GART: variants seen among roughly 807,000 people sequenced by gnomAD.
GART encodes trifunctional purine biosynthetic protein adenosine-3.
In GART, 43 loss-of-function variants were observed where a neutral mutation model predicts 107.2. That is an observed-to-expected ratio of 0.40 (90% confidence interval 0.31 to 0.52). GART has a LOEUF of 0.52. GART is among the 20% of genes least tolerant of loss of function. The pLI is 0.52. For synonymous variants in GART, 434 were observed against 427.0 expected (o/e 1.02, Z -0.20); for missense variants, 1,107 against 1,206.5 (o/e 0.92, Z 1.22).
Position 33,528,252 on chromosome 21 carries a change from A to C in GART, c.981T>G (p.Val327=), listed in dbSNP as rs1473917380. The C allele has an allele frequency of 1.9e-6, 3 of 1,614,030 alleles. No individual in the cohort carries two copies. In the South Asian group the frequency reaches 3.3e-5, roughly 18 times the overall value. The change falls in exon 10 of 22, where the codon GTT becomes GTG. Residue 327 remains valine, a synonymous_variant. Coordinates refer to ENST00000381815, the MANE Select transcript of GART (RefSeq NM_000819.5). ...TTAGGGCGGTGTGGTTTTCTAGCCAAACAGGCAGAGATGTGCAGAGCAGTC... is the reference window on the plus strand; with the variant it reads ...TTAGGGCGGTGTGGTTTTCTAGCCACACAGGCAGAGATGTGCAGAGCAGTC... ...LDGLLCTSLP[V]WLENHTALTV...
intron 14 of GART, 46 bp downstream of exon 14, chr21:33,520,318 A>G: frequency 1.9e-6 from 3 of 1,571,592 alleles, no homozygotes; most frequent in African/African-American, 1.4e-5. Context: ...GGGCTAAAAC[A>G]CAAAAAGAAG....
chr21:33,533,603 G>A (rs1290141210), intron 4 of GART, among the ~76,000 whole-genome samples: 9 of 151,574 alleles, frequency 5.9e-5, no homozygotes, highest in Middle Eastern at 3.4e-3. Context: ...ATGCCACTGC[G>A]TTTGTCAATC....
chr21:33,530,814 T>C lies in GART; in HGVS notation c.668A>G (p.Glu223Gly). 1.3e-6 allele frequency: 2 copies of C among 1,537,638 alleles called. No individual in the cohort carries two copies. Among genetic ancestry groups the C allele is most frequent in the Admixed American group, 2.2e-5 (1 of 45,484 alleles). The change falls in exon 7 of 22, where the codon GAG becomes GGG. Residue 223 changes from glutamate to glycine, a missense_variant. Glu to Gly is a moderately conservative substitution (Grantham distance 98). Transcript: ENST00000381815. ...CCCTGTGTTAGGGCCACCATCTCCCTCCAGTAATCGCTTATGGTCCTGTGC... is the reference window on the plus strand; with the variant it reads ...CCCTGTGTTAGGGCCACCATCTCCCCCCAGTAATCGCTTATGGTCCTGTGC... Reference protein sequence around the residue: ...PPAQDHKRLLEGDGGPNTGGM... With the variant: ...PPAQDHKRLLGGDGGPNTGGM...
chr21:33,535,118 C>A, intron 3 of GART, 107 bp downstream of exon 3: 1 of 748,126 alleles, frequency 1.3e-6, no homozygotes, highest in Non-Finnish European at 2.0e-6. Flanking sequence ...GCTCTTTTTC[C>A]AAGATAATAT....
intron 5 of GART, 197 bp downstream of exon 5, chr21:33,532,147 AC>A (rs889983623): frequency 1.9e-6 from 1 of 538,306 alleles, no homozygotes; most frequent in Non-Finnish European, 3.3e-6. Flanking sequence ...TCAAAATAAT[AC>A]AATCATGGTT....
intron 16 of GART, among the ~76,000 whole-genome samples, chr21:33,514,018 C>A (rs565467477): frequency 6.6e-6 from 1 of 152,060 alleles, no homozygotes; most frequent in East Asian, 1.9e-4. Context: ...GTAATCCCAG[C>A]GCTTTGGGAG....
At chr21:33,538,823 C>T (rs2085352483) in intron 2 of GART, among the ~76,000 whole-genome samples, 1 of 152,146 alleles carries the variant, frequency 6.6e-6, no homozygotes, top group South Asian at 2.1e-4. Flanking sequence ...TTCTGTCGCC[C>T]AGGCTGGAGT....
chr21:33,509,801 C>A lies in GART; in HGVS notation c.2434G>T (p.Val812Phe), dbSNP rs1238401496. The change falls in exon 18 of 22, where the codon GTC (valine) becomes TTC (phenylalanine). Residue 812 changes from valine (V) to phenylalanine (F), a missense_variant. Coordinates refer to ENST00000381815, the MANE Select transcript of GART (RefSeq NM_000819.5). ...ATCTCACCTGTTCCAGATATTAAGA[C>A]AGCCACTCTGGCCTTTTTTTTTTCA... ...SFEKKKARVA[V>F]LISGTGSNLQ... 6 of 1,613,894 alleles carry A rather than the reference C, an allele frequency of 3.7e-6. No individual in the cohort carries two copies. The highest frequency in any genetic ancestry group is 5.1e-6 in the Non-Finnish European group (6 of 1,179,932).
chr21:33,538,812 A>C (rs886390419), intron 2 of GART, among the ~76,000 whole-genome samples: 1 of 152,174 alleles, frequency 6.6e-6, no homozygotes, highest in Admixed American at 6.5e-5. Context: ...ATGGAGTCTC[A>C]TTCTGTCGCC....
intron 16 of GART, 64 bp downstream of exon 16, chr21:33,516,925 T>C (rs1188046180): frequency 1.0e-5 from 14 of 1,407,014 alleles, no homozygotes; most frequent in African/African-American, 1.4e-5. Context: ...CCCATAGTTT[T>C]CTCGCACAAT....
At chr21:33,525,087 T>TC in intron 10 of GART, 87 bp from the exon 11 acceptor site, 6 of 1,285,048 alleles carry the variant, frequency 4.7e-6, no homozygotes, top group South Asian at 3.6e-5. Context: ...CAAGTTTCTT[T>TC]TTTTTTTTTT....
rs147995386 is a variant in GART, at chr21:33,508,824, C to A, written c.2452+959G>T. ...GCCACAGCACCCGGCCCTATTGTTT[C>A]CATCTTTATGTCCACATGTACCCAC... On this transcript the variant is annotated intron_variant, in intron 18 of 21. Coordinates refer to ENST00000381815, the MANE Select transcript of GART (RefSeq NM_000819.5). 3.3e-3 allele frequency among the ~76,000 whole-genome samples: 507 copies of A among 152,168 alleles called. 3 individuals are homozygous for A. The highest frequency in any genetic ancestry group is 0.012 in the African/African-American group (483 of 41,508).
chr21:33,529,946 G>A (rs995062336), intron 7 of GART, among the ~76,000 whole-genome samples: 5 of 151,758 alleles, frequency 3.3e-5, no homozygotes, highest in Admixed American at 2.0e-4. Context: ...TGTAATCCCA[G>A]CACTTTGGGA....
At chr21:33,508,725 C>T (rs1391785256) in intron 18 of GART, among the ~76,000 whole-genome samples, 4 of 152,044 alleles carry the variant, frequency 2.6e-5, no homozygotes, top group African/African-American at 9.6e-5. Flanking sequence ...CCATGTTGGC[C>T]AGGATGGTCT....
chr21:33,517,394 G>A lies in GART; in HGVS notation c.1917C>T (p.Ser639=). The A allele has an allele frequency of 6.2e-7, 1 of 1,614,162 alleles. No individual in the cohort carries two copies. Among genetic ancestry groups the A allele is most frequent in the South Asian group, 1.1e-5 (1 of 91,084 alleles). Residue 639 remains serine (S), a synonymous_variant, in exon 15 of 22, where the codon TCC becomes TCT. Coordinates refer to ENST00000381815, the MANE Select transcript of GART (RefSeq NM_000819.5). ...KIVAKSSLQY[S]SPAPDGCGDQ... is the part of the protein sequence containing the mutation. ...CACCACAACCATCAGGTGCTGGAGA[G>A]GAGTACTGGAGGGAAGATTTTGCCA...
At position 33,517,106 on chromosome 21, in the gene GART, G is replaced by A. The variant is rs765210533; in HGVS notation, c.1990C>T (p.His664Tyr). The change falls in exon 16 of 22, where the codon CAT becomes TAT. Residue 664 changes from histidine (H) to tyrosine (Y), a missense_variant. By Grantham distance (83) the His-to-Tyr change is moderately conservative. Coordinates refer to ENST00000381815, the MANE Select transcript of GART (RefSeq NM_000819.5). ...LLLTPTRIYSHSLLPVLRSGH... is the reference protein window; with the variant it reads ...LLLTPTRIYSYSLLPVLRSGH... ...GAACGTAGGACAGGTAACAGTGAAT[G>A]GCTGTAGATTCTGGTAGGCGTGAGA... 6.2e-7 allele frequency: 1 copy of A among 1,612,704 alleles called. No homozygotes were observed. Among genetic ancestry groups the A allele is most frequent in the South Asian group, 1.1e-5 (1 of 90,600 alleles).
chr21:33,516,116 C>T (rs2084872972), intron 16 of GART, among the ~76,000 whole-genome samples: 4 of 151,636 alleles, frequency 2.6e-5, no homozygotes, highest in Admixed American at 6.6e-5. Flanking sequence ...GGCATGGTGG[C>T]GGGTGCCTGT....
intron 11 of GART, among the ~76,000 whole-genome samples, chr21:33,522,520 C>G (rs1199197440): frequency 1.3e-5 from 2 of 152,154 alleles, no homozygotes; most frequent in South Asian, 4.1e-4. Flanking sequence ...TTACATCATC[C>G]CTGAGAACCG....
intron 18 of GART, among the ~76,000 whole-genome samples, chr21:33,508,151 G>T (rs577264927): frequency 6.6e-6 from 1 of 152,210 alleles, no homozygotes; most frequent in East Asian, 1.9e-4. Context: ...ATATGTAATT[G>T]CTCCTAGGAT....
Sources: allele counts gnomAD v4.1 joint callset (sites outside exome capture counted in the v4.1 genomes callset), GRCh38; gene constraint gnomAD v4.1.1; transcripts MANE v1.5; gene names NCBI Gene and HGNC (gene_info 2026-07-23, HGNC 2026-07-21).